DPP10: variants seen among roughly 807,000 people sequenced by gnomAD.
DPP10 encodes the protein inactive dipeptidyl peptidase 10.
A neutral mutation model predicts 120.9 loss-of-function variants in DPP10; 33 were observed. The ratio of observed to expected loss-of-function variants is 0.27; its 90% CI spans 0.21 to 0.37. DPP10 has a LOEUF of 0.37. Among genes scored for constraint, DPP10 ranks in the 10% least tolerant of loss-of-function variants. The pLI is 1.00. For synonymous variants in DPP10, 337 were observed against 326.1 expected, an observed-to-expected ratio of 1.03 and a Z score of -0.36; for missense variants, 816 against 942.8, an observed-to-expected ratio of 0.87 and a Z score of 1.76.
intron 3 of DPP10, among the ~76,000 whole-genome samples, chr2:115,496,069 G>T (rs1389050449): frequency 6.6e-6 from 1 of 151,942 alleles, no homozygotes; most frequent in Non-Finnish European, 1.5e-5. Context: ...TATTAGTCTG[G>T]TAGATAACTG....
intron 5 of DPP10, among the ~76,000 whole-genome samples, chr2:115,672,833 G>A (rs1385811171): frequency 2.6e-5 from 4 of 151,196 alleles, no homozygotes; most frequent in African/African-American, 7.3e-5. Context: ...TGCAACCTCC[G>A]CCACCTGGGT....
At chr2:115,815,586 A>G (rs1055520233) in intron 20 of DPP10, 89 bp from the exon 21 acceptor site, 2 of 1,123,550 alleles carry the variant, frequency 1.8e-6, no homozygotes, top group African/African-American at 3.1e-5. Flanking sequence ...GTCATTAGCT[A>G]TTGTTTTGTA....
At chr2:115,046,831 A>C (rs1705108064) in intron 1 of DPP10, among the ~76,000 whole-genome samples, 1 of 151,948 alleles carries the variant, frequency 6.6e-6, no homozygotes, top group Admixed American at 6.6e-5. Context: ...ATTATACATC[A>C]ATTTTAATTA....
intron 1 of DPP10, among the ~76,000 whole-genome samples, chr2:115,231,083 C>T (rs1472480707): frequency 6.6e-6 from 1 of 151,858 alleles, no homozygotes; most frequent in Non-Finnish European, 1.5e-5. Flanking sequence ...TTACATTCTT[C>T]CCTGGAGTTC....
rs2049363563 is a variant in DPP10, at chr2:115,113,912, C to T, written c.61-195327C>T. ...ATCATACACATTGAGTCATTCTTGTCATATCCAAACTGAAACAGAGTCTAG... is the reference window on the plus strand; with the variant it reads ...ATCATACACATTGAGTCATTCTTGTTATATCCAAACTGAAACAGAGTCTAG... On this transcript the variant is annotated intron_variant, in intron 1 of 25. Coordinates refer to ENST00000410059, the MANE Select transcript of DPP10 (RefSeq NM_020868.6). 6.6e-5 allele frequency among the ~76,000 whole-genome samples: 10 copies of T among 152,246 alleles called. 1 individual carries two copies. In the South Asian group the frequency reaches 2.1e-3, roughly 32 times the overall value.
chr2:114,958,231 G>C (rs565306376), intron 1 of DPP10, among the ~76,000 whole-genome samples: 2 of 152,338 alleles, frequency 1.3e-5, no homozygotes, highest in African/African-American at 4.8e-5. Context: ...TGAACACTCA[G>C]CAGTGTATGA....
chr2:115,315,906 C>T (rs2106068387), intron 2 of DPP10, among the ~76,000 whole-genome samples: 1 of 152,154 alleles, frequency 6.6e-6, no homozygotes, highest in East Asian at 1.9e-4. Flanking sequence ...AAATAATTTC[C>T]TCTGGCATTA....
chr2:115,215,583 C>CG (rs1224747606), intron 1 of DPP10, among the ~76,000 whole-genome samples: 1 of 151,264 alleles, frequency 6.6e-6, no homozygotes, highest in Admixed American at 6.6e-5. Context: ...AATGCAACCC[C>CG]TATTGAAAAC....
intron 1 of DPP10, among the ~76,000 whole-genome samples, chr2:114,693,763 G>T (rs1212444678): frequency 1.3e-5 from 2 of 151,888 alleles, no homozygotes; most frequent in Non-Finnish European, 2.9e-5. Flanking sequence ...ATTTCTTGGA[G>T]GTTTCGTTTG....
Position 115,326,209 on chromosome 2 carries a change from A to G in DPP10, c.175+16856A>G, listed in dbSNP as rs540687524. On this transcript the variant is annotated intron_variant, in intron 2 of 25. Transcript: ENST00000410059. ...GCACATTATAATGGCTTTTAGGTCA[A>G]TGACAGACTTCATATATATTGGTGG... 2.0e-5 allele frequency among the ~76,000 whole-genome samples: 3 copies of G among 152,164 alleles called. No individual in the cohort carries two copies. In the East Asian group the frequency reaches 5.8e-4, roughly 29 times the overall value.
chr2:114,793,786 A>G (rs1363795412), intron 1 of DPP10, among the ~76,000 whole-genome samples: 2 of 152,114 alleles, frequency 1.3e-5, no homozygotes, highest in East Asian at 1.9e-4. Context: ...TTCTTATACC[A>G]TGTTGACCCC....
chr2:115,334,188 C>G (rs1468213475), intron 2 of DPP10, among the ~76,000 whole-genome samples: 10 of 122,432 alleles, frequency 8.2e-5, no homozygotes, highest in East Asian at 2.5e-4. Flanking sequence ...AAAAGTAATT[C>G]TAATTAGTAG....
rs78116780 is a variant in DPP10, at chr2:115,403,381, C to CTTTTTTT, written c.271+59499_271+59505dup. Among the ~76,000 whole-genome samples the CTTTTTTT allele has an allele frequency of 2.4e-4, 28 of 118,456 alleles. 2 individuals carry two copies. Among genetic ancestry groups the CTTTTTTT allele is most frequent in the East Asian group, 6.0e-4 (2 of 3,310 alleles). 77.7% of individuals were successfully genotyped at this position (118,456 alleles called of 152,430 possible). On this transcript the variant is annotated intron_variant, in intron 3 of 25. Transcript: ENST00000410059. The stretch of plus-strand genomic sequence containing the variant: ...TACTTCTCTCTTTCTTTCTTTCCTT[C>CTTTTTTT]TTTTTTTTTTTTTTTTTTTTTTTTT...
intron 1 of DPP10, among the ~76,000 whole-genome samples, chr2:114,662,025 C>A (rs1697445661): frequency 6.6e-6 from 1 of 151,708 alleles, no homozygotes. Context: ...AAAAAACAAC[C>A]CGGGCTCTCC....
At position 114,918,722 on chromosome 2, in the gene DPP10, C is replaced by T. The variant is rs61566287; in HGVS notation, c.61-390517C>T. Among the ~76,000 whole-genome samples the T allele has an allele frequency of 8.5e-5, 13 of 152,254 alleles. No homozygotes were observed. In the East Asian group the frequency reaches 2.5e-3, roughly 29 times the overall value. Reference sequence around the variant, plus strand: ...GAAAACCAAATACTGCATGTTCTCACTTATATGTGGATGCTAAACACTGAG... The same window carrying T: ...GAAAACCAAATACTGCATGTTCTCATTTATATGTGGATGCTAAACACTGAG... On this transcript the variant is annotated intron_variant, in intron 1 of 25. Coordinates refer to ENST00000410059, the MANE Select transcript of DPP10 (RefSeq NM_020868.6).
At chr2:115,153,782 TTCC>T in intron 1 of DPP10, among the ~76,000 whole-genome samples, 1 of 152,328 alleles carries the variant, frequency 6.6e-6, no homozygotes, top group African/African-American at 2.4e-5. Context: ...TTCTAAGATC[TTCC>T]TAAGTTGCAT....
chr2:115,165,743 G>T (rs1227776205), intron 1 of DPP10, among the ~76,000 whole-genome samples: 1 of 152,010 alleles, frequency 6.6e-6, no homozygotes, highest in Non-Finnish European at 1.5e-5. Flanking sequence ...ACTCCAGTGG[G>T]TAAAAATATT....
At chr2:114,807,235 T>C (rs1684813355) in intron 1 of DPP10, among the ~76,000 whole-genome samples, 1 of 152,182 alleles carries the variant, frequency 6.6e-6, no homozygotes, top group African/African-American at 2.4e-5. Context: ...ATCAAAATCA[T>C]TTTTTCTTTT....
At chr2:115,279,454 G>A (rs528264422) in intron 1 of DPP10, among the ~76,000 whole-genome samples, 138 of 151,810 alleles carry the variant, frequency 9.1e-4, no homozygotes, top group African/African-American at 3.2e-3. Context: ...GCTTGTTATT[G>A]GTCTCTACCC....
Sources: allele counts gnomAD v4.1 joint callset (sites outside exome capture counted in the v4.1 genomes callset), GRCh38; gene constraint gnomAD v4.1.1; transcripts MANE v1.5; gene names NCBI Gene and HGNC (gene_info 2026-07-23, HGNC 2026-07-21).